The following MAGI2 variants were observed in gnomAD, a reference collection of about 807,000 sequenced individuals.
MAGI2 encodes membrane associated guanylate kinase, WW and PDZ domain containing 2, also known as membrane-associated guanylate kinase, WW and PDZ domain-containing protein 2.
A neutral mutation model predicts 133.3 loss-of-function variants in MAGI2; 35 were observed. That is an observed-to-expected ratio of 0.26 (90% CI 0.20 to 0.35). The LOEUF (loss-of-function observed/expected upper bound fraction) is 0.35. MAGI2 is among the 10% of genes least tolerant of loss of function. MAGI2 has a pLI of 1.00. For synonymous variants in MAGI2, 729 were observed against 710.6 expected (o/e 1.03, Z -0.41); for missense variants, 1,636 against 1,863.4 (o/e 0.88, Z 2.25).
chr7:78,940,862 T>C (rs1800908996), intron 2 of MAGI2: 1 of 152,180 alleles, frequency 6.6e-6, no homozygotes, highest in Non-Finnish European at 1.5e-5. Flanking sequence ...TAACCAGAAG[T>C]CAGCTGTGAC....
At chr7:78,119,428 G>A (rs1480292016) in intron 20 of MAGI2, among the ~76,000 whole-genome samples, 1 of 151,840 alleles carries the variant, frequency 6.6e-6, no homozygotes, top group Non-Finnish European at 1.5e-5. Context: ...GGGCATGGTG[G>A]TTAGTGCCTG....
At chr7:79,077,982 T>C (rs540303771) in intron 1 of MAGI2, among the ~76,000 whole-genome samples, 2 of 152,226 alleles carry the variant, frequency 1.3e-5, no homozygotes, top group Non-Finnish European at 2.9e-5. Flanking sequence ...GTATCAATTT[T>C]GAAGCTTTGA....
intron 6 of MAGI2, among the ~76,000 whole-genome samples, chr7:78,430,002 C>T (rs1799642057): frequency 6.6e-6 from 1 of 152,104 alleles, no homozygotes; most frequent in South Asian, 2.1e-4. Flanking sequence ...CACTGTGCTA[C>T]ATTGCCCTTC....
At chr7:78,709,800 C>T (rs1027067387) in intron 2 of MAGI2, among the ~76,000 whole-genome samples, 21 of 152,276 alleles carry the variant, frequency 1.4e-4, no homozygotes, top group Admixed American at 1.2e-3. Context: ...CTGGCATTTA[C>T]ACATGATCTT....
intron 6 of MAGI2, among the ~76,000 whole-genome samples, chr7:78,413,888 T>G (rs1798069023): frequency 6.6e-6 from 1 of 152,048 alleles, no homozygotes; most frequent in African/African-American, 2.4e-5. Flanking sequence ...TGCAGAAGGC[T>G]GGGGACTTAT....
At chr7:78,571,856 T>C (rs956355902) in intron 3 of MAGI2, among the ~76,000 whole-genome samples, 1 of 152,188 alleles carries the variant, frequency 6.6e-6, no homozygotes, top group African/African-American at 2.4e-5. Context: ...CCTGGAAATT[T>C]TTCTAAGAAT....
At chr7:78,524,159 CAGTAGA>C (rs1363558544) in intron 3 of MAGI2, among the ~76,000 whole-genome samples, 2 of 152,092 alleles carry the variant, frequency 1.3e-5, no homozygotes, top group African/African-American at 2.4e-5. Flanking sequence ...CCTTTGATTT[CAGTAGA>C]GGGAGAGGGA....
At chr7:78,191,470 C>T (rs2150727658) in intron 12 of MAGI2, among the ~76,000 whole-genome samples, 1 of 152,260 alleles carries the variant, frequency 6.6e-6, no homozygotes, top group Admixed American at 6.5e-5. Context: ...TTGTTTGTGT[C>T]CTCAACTTCA....
At chr7:78,263,142 C>T (rs2150966486) in intron 9 of MAGI2, among the ~76,000 whole-genome samples, 1 of 152,212 alleles carries the variant, frequency 6.6e-6, no homozygotes, top group South Asian at 2.1e-4. Context: ...ATTCATGTTG[C>T]TGTAAAGAGC....
intron 2 of MAGI2, among the ~76,000 whole-genome samples, chr7:78,653,971 T>C (rs986478631): frequency 5.3e-5 from 8 of 152,142 alleles, no homozygotes; most frequent in Non-Finnish European, 1.2e-4. Flanking sequence ...ATAATGAATA[T>C]TGCTCCTTAC....
chr7:79,439,643 G>C (rs1848373578), intron 1 of MAGI2, among the ~76,000 whole-genome samples: 2 of 152,062 alleles, frequency 1.3e-5, no homozygotes, highest in Admixed American at 1.3e-4. Flanking sequence ...CCAGGACCCA[G>C]CTTTAGCATG....
intron 1 of MAGI2, among the ~76,000 whole-genome samples, chr7:79,230,061 C>T (rs1211443874): frequency 6.7e-5 from 10 of 149,016 alleles, no homozygotes; most frequent in South Asian, 6.5e-4. Context: ...TTTGTTCTTG[C>T]GATAGTTTAC....
At chr7:78,765,343 CTT>C (rs10672746) in intron 2 of MAGI2, among the ~76,000 whole-genome samples, 17 of 89,052 alleles carry the variant, frequency 1.9e-4, no homozygotes, top group African/African-American at 3.3e-4. Flanking sequence ...TAGTGCACAT[CTT>C]TTTTTTTTTT....
chr7:79,135,583 T>C (rs1231523566), intron 1 of MAGI2, among the ~76,000 whole-genome samples: 1 of 152,166 alleles, frequency 6.6e-6, no homozygotes, highest in South Asian at 2.1e-4. Context: ...CCCTGCCTGT[T>C]GCTAGCCCCT....
In MAGI2 at chr7:78,019,548, G is replaced by C; in HGVS notation, c.4135C>G (p.Arg1379Gly). ...GGCGCAGCCCCCGGGCCTTCGCGCC[G>C]GCAGAGCTCGGAGCCCGCCGCCGCA... ...PRAAAGSELC[R>G]REGPGAAPAF... The change falls in exon 22 of 22, where the codon CGG (arginine) becomes GGG (glycine). Residue 1379 changes from arginine to glycine, a missense_variant. Transcript: ENST00000354212. 1 of 980,046 alleles carries C rather than the reference G, an allele frequency of 1.0e-6. No homozygotes were observed. Among genetic ancestry groups the C allele is most frequent in the Non-Finnish European group, 1.2e-6 (1 of 827,924 alleles). 60.7% of individuals were successfully genotyped at this position (980,046 alleles called of 1,614,324 possible).
intron 1 of MAGI2, among the ~76,000 whole-genome samples, chr7:79,390,767 GT>G (rs1268345482): frequency 6.6e-6 from 1 of 152,204 alleles, no homozygotes; most frequent in African/African-American, 2.4e-5. Context: ...GGGCAAGAAA[GT>G]TTTGGTAGAG....
At chr7:78,448,960 G>GCCATTTAACA (rs1788437041) in intron 6 of MAGI2, among the ~76,000 whole-genome samples, 1 of 151,992 alleles carries the variant, frequency 6.6e-6, no homozygotes, top group Admixed American at 6.6e-5. Flanking sequence ...TTAACAGTGT[G>GCCATTTAACA]GGCGATTCAG....
chr7:79,256,730 A>C (rs905309321), intron 1 of MAGI2, among the ~76,000 whole-genome samples: 2 of 152,010 alleles, frequency 1.3e-5, no homozygotes, highest in Non-Finnish European at 2.9e-5. Context: ...GGCTCAAGCG[A>C]TCCTGCCACC....
intron 6 of MAGI2, among the ~76,000 whole-genome samples, chr7:78,391,451 G>A (rs1795892793): frequency 6.6e-6 from 1 of 152,174 alleles, no homozygotes; most frequent in Non-Finnish European, 1.5e-5. Flanking sequence ...TATTTGAATT[G>A]TAATGCCATC....
Sources: allele counts gnomAD v4.1 joint callset (sites outside exome capture counted in the v4.1 genomes callset), GRCh38; gene constraint gnomAD v4.1.1; transcripts MANE v1.5; gene names NCBI Gene and HGNC (gene_info 2026-07-23, HGNC 2026-07-21).